Variants in DDX54 observed in about 807,000 individuals in gnomAD.
DDX54 encodes DEAD-box helicase 54.
In DDX54, 67 loss-of-function variants were observed where a neutral mutation model predicts 105.5. The ratio of observed to expected loss-of-function variants is 0.64; its 90% confidence interval spans 0.52 to 0.78. The LOEUF (loss-of-function observed/expected upper bound fraction) is 0.78, where lower values mean the gene tolerates loss of function less well. DDX54 is among the 30% of genes least tolerant of loss of function. The probability of loss-of-function intolerance (pLI) is 0.00; values close to 1 mark genes in which losing one functional copy is unlikely to be tolerated. For missense variants in DDX54, 1,206 were observed against 1,230.5 expected, an observed-to-expected ratio of 0.98 and a Z score of 0.30; for synonymous variants, 514 against 509.9, an observed-to-expected ratio of 1.01 and a Z score of -0.11.
In DDX54 at chr12:113,174,013, T is replaced by C. The variant is rs567942587; in HGVS notation, c.1068+627A>G. Among the ~76,000 whole-genome samples, 4 of 152,074 alleles carry C rather than the reference T, an allele frequency of 2.6e-5. No homozygotes were observed. The East Asian group carries it at 5.8e-4, about 22-fold the overall frequency. On this transcript the variant is annotated intron_variant, in intron 10 of 19. Coordinates refer to ENST00000306014, the MANE Select transcript of DDX54 (RefSeq NM_024072.4). Reference sequence around the variant, plus strand: ...ACCTGGCCAACACGGCAAAACCCCGTCTCCATGAGAAATACAAAAATTAGA... The same window carrying C: ...ACCTGGCCAACACGGCAAAACCCCGCCTCCATGAGAAATACAAAAATTAGA...
At chr12:113,168,018 C>A in intron 12 of DDX54, 1 of 476,032 alleles carries the variant, frequency 2.1e-6, no homozygotes, top group Non-Finnish European at 4.2e-6. Context: ...CCTTTAGGCG[C>A]CCCTTCCAAT....
Position 113,161,394 on chromosome 12 carries a change from C to T in DDX54, c.2301-12G>A, listed in dbSNP as rs755988586. On this transcript the variant is annotated splice_polypyrimidine_tract_variant and intron_variant, in intron 18 of 19. Coordinates refer to ENST00000306014, the MANE Select transcript of DDX54 (RefSeq NM_024072.4). ...TCCACTTCTGATAGCTGGGAAACCT[C>T]GTTAAGGAAGCTGCGTGAAGCCCCT... is the stretch of plus-strand genomic sequence containing the variant. The T allele has an allele frequency of 6.2e-6, 10 of 1,605,504 alleles. No individual in the cohort carries two copies. Among genetic ancestry groups the T allele is most frequent in the Non-Finnish European group, 8.5e-6 (10 of 1,174,362 alleles).
chr12:113,165,990 C>T lies in DDX54; in HGVS notation c.1457G>A (p.Ser486Asn), dbSNP rs367630055. 10 of 1,611,822 alleles carry T rather than the reference C, an allele frequency of 6.2e-6. No homozygotes were observed. The highest frequency in any genetic ancestry group is 1.3e-5 in the African/African-American group (1 of 75,070). The change falls in exon 13 of 20, where the codon AGT becomes AAT. Residue 486 changes from serine (S) to asparagine (N), a missense_variant. Transcript: ENST00000306014. Reference protein sequence around the residue: ...VDGMLGRVPQSVVDEEDSGLQ... With the variant: ...VDGMLGRVPQNVVDEEDSGLQ... ...ACCACTGTCCTCCTCGTCCACCACA[C>T]TCTGTGGCACCCGACCCAGCATGCC...
intron 1 of DDX54, 142 bp downstream of exon 1, chr12:113,185,136 T>C (rs1176405889): frequency 9.0e-7 from 1 of 1,114,008 alleles, no homozygotes; most frequent in Non-Finnish European, 1.2e-6. Flanking sequence ...AGGCCGGCGG[T>C]CCCAAGACCG....
chr12:113,162,535 G>T (rs1205881304), intron 17 of DDX54, among the ~76,000 whole-genome samples: 1 of 152,214 alleles, frequency 6.6e-6, no homozygotes, highest in Admixed American at 6.5e-5. Flanking sequence ...TCAGATGGGA[G>T]TGAGGACTTC....
At chr12:113,168,559 T>C (rs147685902) in intron 12 of DDX54, among the ~76,000 whole-genome samples, 1 of 152,358 alleles carries the variant, frequency 6.6e-6, no homozygotes, top group East Asian at 1.9e-4. Context: ...AGGCCCATAG[T>C]TGGAGGCCCA....
chr12:113,177,406 C>T (rs1019188865), intron 5 of DDX54: 6 of 325,118 alleles, frequency 1.8e-5, no homozygotes, highest in Non-Finnish European at 2.3e-5. Context: ...CCCCCAGCAA[C>T]TAACCCCAGA....
chr12:113,177,418 C>T, intron 5 of DDX54: 1 of 299,408 alleles, frequency 3.3e-6, no homozygotes, highest in South Asian at 6.5e-5. Context: ...AACCCCAGAA[C>T]TACCAGCCCC....
At position 113,161,362 on chromosome 12, in the gene DDX54, T is replaced by G; in HGVS notation, c.2321A>C (p.Lys774Thr). 1 of 1,613,090 alleles carries G rather than the reference T, an allele frequency of 6.2e-7. No homozygotes were observed. The highest frequency in any genetic ancestry group is 8.5e-7 in the Non-Finnish European group (1 of 1,179,516). Residue 774 changes from lysine to threonine, a missense_variant, in exon 19 of 20, where the codon AAA becomes ACA. Physicochemically the swap from Lys to Thr is moderately conservative, Grantham distance 78. This residue lies in a region of DDX54 where 961 missense variants were observed against 1,019.1 expected (regional missense o/e 0.94). Coordinates refer to ENST00000306014, the MANE Select transcript of DDX54 (RefSeq NM_024072.4). ...CGAGTCACGATCATCAATTTTCTGT[T>G]TCTGTTTCCACTTCTGATAGCTGGG... is the stretch of plus-strand genomic sequence containing the variant. ...KRDLYQKWKQ[K>T]QKIDDRDSDE... is the part of the protein sequence containing the mutation.
chr12:113,172,272 CAA>C, intron 11 of DDX54, 79 bp downstream of exon 11: 1 of 1,487,078 alleles, frequency 6.7e-7, no homozygotes, highest in Non-Finnish European at 9.2e-7. Flanking sequence ...TGTGCAGTGT[CAA>C]GAGTTAAGCC....
At position 113,169,814 on chromosome 12, in the gene DDX54, A is replaced by G; in HGVS notation, c.1370T>C (p.Leu457Pro). ...TCGGGCGAGGGTGAGGGAGCGGCCCAGGAACAGGTGCAGATCCAGCAGGTA... is the reference window on the plus strand; with the variant it reads ...TCGGGCGAGGGTGAGGGAGCGGCCCGGGAACAGGTGCAGATCCAGCAGGTA... ...IPYLLDLHLF[L>P]GRSLTLARPL... Residue 457 changes from leucine to proline, a missense_variant, in exon 12 of 20, where the codon CTG becomes CCG. Physicochemically the swap from Leu to Pro is moderately conservative, Grantham distance 98 (BLOSUM62 -3). This residue lies in a region of DDX54 where 961 missense variants were observed against 1,019.1 expected (regional missense o/e 0.94). Transcript: ENST00000306014. 1 of 1,614,166 alleles carries G rather than the reference A, an allele frequency of 6.2e-7. No homozygotes were observed. Among genetic ancestry groups the G allele is most frequent in the South Asian group, 1.1e-5 (1 of 91,076 alleles).
intron 12 of DDX54, among the ~76,000 whole-genome samples, chr12:113,166,610 G>A (rs867465283): frequency 9.9e-5 from 15 of 152,164 alleles, no homozygotes; most frequent in South Asian, 8.3e-4. Flanking sequence ...GGTGAGACAG[G>A]AGGATCGCTT....
chr12:113,161,466 CCGT>C, intron 18 of DDX54, 84 bp from the exon 19 acceptor site: 4 of 1,109,250 alleles, frequency 3.6e-6, no homozygotes, highest in Non-Finnish European at 5.2e-6. Flanking sequence ...AGACAGAGTT[CCGT>C]TATCCCAGCC....
intron 1 of DDX54, among the ~76,000 whole-genome samples, chr12:113,181,444 TACC>T (rs1297092453): frequency 4.6e-5 from 7 of 151,816 alleles, no homozygotes; most frequent in African/African-American, 1.7e-4. Flanking sequence ...AGGCGTATAC[TACC>T]ACATCTGGCT....
At position 113,177,074 on chromosome 12, in the gene DDX54, C is replaced by T. The variant is rs749952089; in HGVS notation, c.634G>A (p.Ala212Thr). The change falls in exon 6 of 20, where the codon GCC (alanine) becomes ACC (threonine). Residue 212 changes from alanine to threonine, a missense_variant. Ala to Thr is a moderately conservative substitution (Grantham distance 58). Around this residue, in one of 3 missense-constraint regions of DDX54, gnomAD observed 961 missense variants for 1,019.1 expected, o/e 0.94. Coordinates refer to ENST00000306014, the MANE Select transcript of DDX54 (RefSeq NM_024072.4). ...GGDRMEDQFA[A>T]LHENPDIIIA... Reference sequence around the variant, plus strand: ...CACATGTCGGGATTTTCGTGCAGGGCTGCAAACTGGTCTTCCATCCTAGAG... The same window carrying T: ...CACATGTCGGGATTTTCGTGCAGGGTTGCAAACTGGTCTTCCATCCTAGAG... The T allele has an allele frequency of 2.2e-5, 36 of 1,614,014 alleles. No homozygotes were observed. The highest frequency in any genetic ancestry group is 2.9e-5 in the Non-Finnish European group (34 of 1,180,032).
intron 1 of DDX54, among the ~76,000 whole-genome samples, chr12:113,181,834 T>C (rs1952472463): frequency 6.6e-6 from 1 of 152,048 alleles, no homozygotes. Flanking sequence ...CTTCTTGGAC[T>C]ACAGGGCTGT....
At chr12:113,172,271 T>G (rs1018991247) in intron 11 of DDX54, 82 bp downstream of exon 11, 14 of 1,479,710 alleles carry the variant, frequency 9.5e-6, no homozygotes, top group Non-Finnish European at 1.3e-5. Flanking sequence ...ATGTGCAGTG[T>G]CAAGAGTTAA....
chr12:113,161,866 C>T, intron 18 of DDX54, 27 bp downstream of exon 18: 2 of 1,592,820 alleles, frequency 1.3e-6, no homozygotes, highest in East Asian at 2.3e-5. Flanking sequence ...CGGCCCCGCC[C>T]CTCCCCAGCC....
In DDX54 at chr12:113,163,385, G is replaced by C; in HGVS notation, c.1939-111C>G. 1 of 1,460,020 alleles carries C rather than the reference G, an allele frequency of 6.8e-7. No homozygotes were observed. Among genetic ancestry groups the C allele is most frequent in the Non-Finnish European group, 9.1e-7 (1 of 1,102,368 alleles). The allele number at this position is 1,460,020 out of a possible 1,614,324, so 90.4% of individuals were successfully genotyped here. On this transcript the variant is annotated intron_variant, in intron 15 of 19. Transcript: ENST00000306014. The surrounding 1 kb of genome is among the most constrained non-coding windows in gnomAD (Gnocchi z 5.9). ...CAGTGAGGGGCCAGTGGCTTCTCGG[G>C]GACTTTCAAAGCTTCATTTTGCCAT...
Sources: gnomAD v4.1 joint callset for allele counts (sites outside exome capture counted in the v4.1 genomes callset) on GRCh38, gnomAD v4.1.1 for gene constraint, gnomAD v4.1.1 regional missense constraint, Gnocchi (gnomAD v3.1) non-coding constraint, MANE v1.5 for transcripts, NCBI Gene and HGNC (gene_info 2026-07-23, HGNC 2026-07-21) for gene names.